The following TRPS1 variants were observed in gnomAD, a reference collection of about 807,000 sequenced individuals.
TRPS1 encodes transcriptional repressor GATA binding 1.
TRPS1 carries 6 observed loss-of-function variants against 101.2 expected under a neutral mutation model. That is an observed-to-expected ratio of 0.06 (90% CI 0.03 to 0.12). The LOEUF is 0.12. Among genes scored for constraint, TRPS1 ranks in the 10% least tolerant of loss-of-function variants. The pLI, the probability that TRPS1 is intolerant of heterozygous loss-of-function variation, is 1.00. For missense variants in TRPS1, 1,363 were observed against 1,567.0 expected (o/e 0.87, Z 2.20); for synonymous variants, 578 against 589.8 (o/e 0.98, Z 0.29).
At chr8:115,634,303 A>G (rs900991464) in intron 1 of TRPS1, among the ~76,000 whole-genome samples, 11 of 152,280 alleles carry the variant, frequency 7.2e-5, no homozygotes, top group Admixed American at 3.9e-4. Context: ...CTGATCCCCA[A>G]TCTATGAATG....
At chr8:115,503,729 C>T (rs1399699784) in intron 5 of TRPS1, among the ~76,000 whole-genome samples, 3 of 152,122 alleles carry the variant, frequency 2.0e-5, no homozygotes, top group African/African-American at 7.2e-5. Context: ...AACAAAGATG[C>T]AAACCAGTAT....
At chr8:115,429,058 A>C (rs2129819456) in intron 5 of TRPS1, among the ~76,000 whole-genome samples, 1 of 152,316 alleles carries the variant, frequency 6.6e-6, no homozygotes, top group South Asian at 2.1e-4. Context: ...TTAAAAGACG[A>C]AGTGGAATTA....
chr8:115,655,752 C>T (rs950198964), intron 1 of TRPS1, among the ~76,000 whole-genome samples: 2 of 152,242 alleles, frequency 1.3e-5, no homozygotes, highest in African/African-American at 4.8e-5. Flanking sequence ...TTTATCTGTA[C>T]ATAGAGGCTT....
chr8:115,536,852 A>C (rs958546061), intron 5 of TRPS1, among the ~76,000 whole-genome samples: 5 of 150,916 alleles, frequency 3.3e-5, no homozygotes, highest in African/African-American at 9.7e-5. Flanking sequence ...ATGTTTTAAT[A>C]ATTTAAAAAT....
At chr8:115,498,563 C>T (rs1241104094) in intron 5 of TRPS1, among the ~76,000 whole-genome samples, 1 of 150,858 alleles carries the variant, frequency 6.6e-6, no homozygotes, top group Non-Finnish European at 1.5e-5. Context: ...GTAAAATTTA[C>T]TTATATGGAA....
In TRPS1 at chr8:115,664,267, C is replaced by T. The variant is rs78540952; in HGVS notation, c.-122+4278G>A. On this transcript the variant is annotated intron_variant, in intron 1 of 6. Transcript: ENST00000395715. ...TTTAAAATTACACTAAAACAAACCT[C>T]TACATAATTTTTAATGTAAATAATT... is the stretch of plus-strand genomic sequence containing the variant. Among the ~76,000 whole-genome samples the T allele has an allele frequency of 1.9e-3, 285 of 152,110 alleles. 4 individuals carry two copies. In the East Asian group the frequency reaches 0.049, roughly 26 times the overall value.
intron 5 of TRPS1, among the ~76,000 whole-genome samples, chr8:115,474,120 TC>T (rs1172484709): frequency 6.6e-6 from 1 of 152,200 alleles, no homozygotes; most frequent in Non-Finnish European, 1.5e-5. Flanking sequence ...CAGGGAACAT[TC>T]CTTTTTGTAG....
chr8:115,464,302 T>C (rs1814264939), intron 5 of TRPS1, among the ~76,000 whole-genome samples: 1 of 152,168 alleles, frequency 6.6e-6, no homozygotes, highest in Admixed American at 6.5e-5. Context: ...TATTTCCCTG[T>C]TTGATTTTAT....
At chr8:115,652,105 A>C (rs1405312506) in intron 1 of TRPS1, among the ~76,000 whole-genome samples, 4 of 152,200 alleles carry the variant, frequency 2.6e-5, no homozygotes, top group African/African-American at 9.6e-5. Context: ...ACATTCAATG[A>C]TAGACTAGAA....
intron 1 of TRPS1, among the ~76,000 whole-genome samples, chr8:115,637,616 ATTTTAT>A (rs1818799863): frequency 6.6e-6 from 1 of 152,158 alleles, no homozygotes; most frequent in South Asian, 2.1e-4. Context: ...GACTATCAAT[ATTTTAT>A]TTATCTGTTA....
chr8:115,581,940 G>C (rs1438575506), intron 5 of TRPS1, among the ~76,000 whole-genome samples: 1 of 152,126 alleles, frequency 6.6e-6, no homozygotes, highest in African/African-American at 2.4e-5. Context: ...TCTGCATATA[G>C]TCAATAGTTT....
rs758931513 is a variant in TRPS1 at position 115,636,586 on chromosome 8, G to A, written c.-121-12828C>T. 2.6e-5 allele frequency among the ~76,000 whole-genome samples: 4 copies of A among 152,142 alleles called. No homozygotes were observed. The South Asian group carries it at 8.3e-4, about 32-fold the overall frequency. ...GAGACATGATTTAGCACCAAAATGA[G>A]CAGTGTAAACAGTAAATTCCCTTGA... On this transcript the variant is annotated intron_variant, in intron 1 of 6. Transcript: ENST00000395715.
intron 5 of TRPS1, among the ~76,000 whole-genome samples, chr8:115,481,196 A>G (rs776728770): frequency 2.6e-5 from 4 of 152,144 alleles, no homozygotes; most frequent in Non-Finnish European, 5.9e-5. Context: ...TACAGATCAG[A>G]TATTTCAGGT....
At chr8:115,617,044 T>G (rs1818291103) in intron 3 of TRPS1, among the ~76,000 whole-genome samples, 1 of 152,226 alleles carries the variant, frequency 6.6e-6, no homozygotes, top group Admixed American at 6.5e-5. Flanking sequence ...CATTCAAGAT[T>G]AGCATTCGAT....
At chr8:115,580,907 CAAAGG>C (rs1036794600) in intron 5 of TRPS1, among the ~76,000 whole-genome samples, 5 of 152,032 alleles carry the variant, frequency 3.3e-5, no homozygotes, top group Admixed American at 2.6e-4. Flanking sequence ...AGTATTTTTC[CAAAGG>C]AAAGGAAATT....
chr8:115,511,914 T>C (rs565224470), intron 5 of TRPS1, among the ~76,000 whole-genome samples: 1 of 151,956 alleles, frequency 6.6e-6, no homozygotes, highest in African/African-American at 2.4e-5. Flanking sequence ...TACAGCTAAA[T>C]CTTAATATGA....
At chr8:115,474,222 T>C (rs1814543375) in intron 5 of TRPS1, among the ~76,000 whole-genome samples, 1 of 152,142 alleles carries the variant, frequency 6.6e-6, no homozygotes. Context: ...AATCTGATAA[T>C]GTGAAGTGCT....
intron 5 of TRPS1, among the ~76,000 whole-genome samples, chr8:115,579,903 AG>A (rs1230290045): frequency 7.7e-6 from 1 of 129,896 alleles, no homozygotes; most frequent in African/African-American, 3.2e-5. Context: ...ATTTATCACA[AG>A]TGTGCTGTCA....
At chr8:115,569,979 G>A (rs1817162437) in intron 5 of TRPS1, among the ~76,000 whole-genome samples, 1 of 151,966 alleles carries the variant, frequency 6.6e-6, no homozygotes, top group African/African-American at 2.4e-5. Context: ...TTTTAGGTTT[G>A]AACTGAAACT....
Sources: gnomAD v4.1 joint callset for allele counts (sites outside exome capture counted in the v4.1 genomes callset) on GRCh38, gnomAD v4.1.1 for gene constraint, MANE v1.5 for transcripts, NCBI Gene and HGNC (gene_info 2026-07-23, HGNC 2026-07-21) for gene names.